Variants in FBXL17 observed in about 807,000 individuals in gnomAD.
FBXL17 encodes F-box/LRR-repeat protein 17.
In FBXL17, 22 loss-of-function variants were observed where a neutral mutation model predicts 66.2. The ratio of observed to expected loss-of-function variants is 0.33; its 90% CI spans 0.24 to 0.47. FBXL17 has a LOEUF of 0.47. Ranked by LOEUF, FBXL17 falls within the 20% of genes least tolerant of loss-of-function variation. FBXL17 has a pLI of 1.00. For missense variants in FBXL17, 878 were observed against 948.2 expected (o/e 0.93, Z 0.97); for synonymous variants, 474 against 400.5 (o/e 1.18, Z -2.19).
intron 7 of FBXL17, among the ~76,000 whole-genome samples, chr5:107,890,700 A>G (rs1749171778): frequency 1.3e-5 from 2 of 151,890 alleles, no homozygotes; most frequent in Non-Finnish European, 2.9e-5. Flanking sequence ...CCTACTATGT[A>G]TCAGAGTAGG....
chr5:108,346,325 T>C (rs1747277309), intron 4 of FBXL17, among the ~76,000 whole-genome samples: 1 of 151,818 alleles, frequency 6.6e-6, no homozygotes, highest in Non-Finnish European at 1.5e-5. Context: ...GAAATGAAAA[T>C]GTTAAATAAA....
At chr5:107,878,928 T>C (rs1482695379) in intron 8 of FBXL17, 8 of 985,330 alleles carry the variant, frequency 8.1e-6, no homozygotes, top group Non-Finnish European at 7.2e-6. Flanking sequence ...GTTCTCAGAG[T>C]GGCTCTCTGG....
chr5:108,247,186 T>A (rs1372976941), intron 4 of FBXL17, among the ~76,000 whole-genome samples: 2 of 152,196 alleles, frequency 1.3e-5, no homozygotes, highest in Admixed American at 1.3e-4. Context: ...AAAATTGCCC[T>A]GGCTTCGAAG....
chr5:108,363,650 T>A (rs1028539554), intron 3 of FBXL17, among the ~76,000 whole-genome samples: 1 of 151,984 alleles, frequency 6.6e-6, no homozygotes, highest in African/African-American at 2.4e-5. Context: ...TTGCTCCTTC[T>A]CTACTTCAAC....
Position 108,009,298 on chromosome 5 carries a change from T to TAGATAGATAGATAGATAGATAG in FBXL17, c.1822+11626_1822+11627insCTATCTATCTATCTATCTATCT, listed in dbSNP as rs1475870219. Among the ~76,000 whole-genome samples the TAGATAGATAGATAGATAGATAG allele has an allele frequency of 6.6e-4, 47 of 71,410 alleles. 6 individuals are homozygous for TAGATAGATAGATAGATAGATAG. Among genetic ancestry groups the TAGATAGATAGATAGATAGATAG allele is most frequent in the African/African-American group, 1.8e-3 (26 of 14,458 alleles). The allele number at this position is 71,410 out of a possible 152,430, so 46.8% of individuals were successfully genotyped here. On this transcript the variant is annotated intron_variant, in intron 7 of 8. Coordinates refer to ENST00000542267, the MANE Select transcript of FBXL17 (RefSeq NM_001163315.3). Reference sequence around the variant, plus strand: ...ATATATATATATATATATATATATATATACATATATACATACACATATAGT... The same window carrying TAGATAGATAGATAGATAGATAG: ...ATATATATATATATATATATATATATAGATAGATAGATAGATAGATAGATACATATATACATACACATATAGT...
intron 4 of FBXL17, among the ~76,000 whole-genome samples, chr5:108,238,092 G>A (rs907759814): frequency 1.3e-5 from 2 of 152,082 alleles, no homozygotes; most frequent in South Asian, 2.1e-4. Context: ...AATGCACCAG[G>A]AAGCCTTCTT....
chr5:107,946,259 A>T (rs909298273), intron 7 of FBXL17, among the ~76,000 whole-genome samples: 878 of 16,058 alleles, frequency 0.055, 20 homozygotes, highest in South Asian at 0.1. Flanking sequence ...CTCATTTTAT[A>T]TATATATATA....
intron 4 of FBXL17, among the ~76,000 whole-genome samples, chr5:108,339,579 T>TA (rs764302968): frequency 0.044 from 6,230 of 140,994 alleles, 384 homozygotes; most frequent in African/African-American, 0.15. Context: ...AGATTTTTAT[T>TA]AAAAAAAAAA....
At chr5:108,368,628 G>T (rs1226351425) in intron 1 of FBXL17, among the ~76,000 whole-genome samples, 1 of 152,086 alleles carries the variant, frequency 6.6e-6, no homozygotes, top group Non-Finnish European at 1.5e-5. Context: ...GACAACTAAT[G>T]TTATCCAGTT....
chr5:108,298,193 C>G, intron 4 of FBXL17: 1 of 979,894 alleles, frequency 1.0e-6, no homozygotes, highest in Non-Finnish European at 1.2e-6. Context: ...AAGTACAGCT[C>G]CATATGATAT....
intron 4 of FBXL17, among the ~76,000 whole-genome samples, chr5:108,226,935 G>A (rs1755126007): frequency 6.6e-6 from 1 of 152,114 alleles, no homozygotes; most frequent in Non-Finnish European, 1.5e-5. Context: ...CAAGCCTTCA[G>A]ACTTGGACTG....
intron 4 of FBXL17, among the ~76,000 whole-genome samples, chr5:108,271,648 T>A (rs1244064581): frequency 6.6e-6 from 1 of 152,204 alleles, no homozygotes; most frequent in African/African-American, 2.4e-5. Context: ...TAATAAACTA[T>A]AAAACAACAC....
At chr5:108,240,897 T>C (rs548162620) in intron 4 of FBXL17, among the ~76,000 whole-genome samples, 25 of 152,242 alleles carry the variant, frequency 1.6e-4, no homozygotes, top group Non-Finnish European at 3.1e-4. Flanking sequence ...ATTGATTCCA[T>C]TTGTTTGGGA....
Position 107,933,848 on chromosome 5 carries a change from T to TA in FBXL17, c.1823-52670dup, listed in dbSNP as rs540747817. Among the ~76,000 whole-genome samples the TA allele has an allele frequency of 3.9e-5, 6 of 152,204 alleles. No homozygotes were observed. The East Asian group carries it at 1.2e-3, about 29-fold the overall frequency. On this transcript the variant is annotated intron_variant, in intron 7 of 8. Coordinates refer to ENST00000542267, the MANE Select transcript of FBXL17 (RefSeq NM_001163315.3). ...ATTTGACAATTTTGAAACAAAAACA[T>TA]AGATAGGGATTGGGGAAGGGAAGGA... is the stretch of plus-strand genomic sequence containing the variant.
chr5:108,173,128 A>G (rs922850275), intron 6 of FBXL17, among the ~76,000 whole-genome samples: 4 of 152,130 alleles, frequency 2.6e-5, no homozygotes, highest in African/African-American at 7.2e-5. Context: ...TGAACATTCC[A>G]CAACAAATAG....
In FBXL17 at chr5:108,381,131, G is replaced by A; in HGVS notation, c.561C>T (p.Ala187=). The change falls in exon 1 of 9, where the codon GCC becomes GCT. Residue 187 remains alanine (A), a synonymous_variant. Transcript: ENST00000542267. ...CCATTTCGGGGGGCGTAGGGAGCTC[G>A]GCCGGTGACGGTGTCGGCCCCCGGA... ...QLFRGPTPSP[A]ELPTPPEMVC... 1 of 1,371,926 alleles carries A rather than the reference G, an allele frequency of 7.3e-7. No homozygotes were observed. The highest frequency in any genetic ancestry group is 1.7e-5 in the South Asian group (1 of 60,006). The allele number at this position is 1,371,926 out of a possible 1,614,324, so 85.0% of individuals were successfully genotyped here.
intron 6 of FBXL17, among the ~76,000 whole-genome samples, chr5:108,087,311 T>C (rs900988912): frequency 6.6e-6 from 1 of 152,160 alleles, no homozygotes; most frequent in Non-Finnish European, 1.5e-5. Flanking sequence ...GATGCACTGC[T>C]CAGATCCCTC....
intron 7 of FBXL17, among the ~76,000 whole-genome samples, chr5:107,969,226 G>A (rs1441208696): frequency 6.6e-6 from 1 of 152,150 alleles, no homozygotes; most frequent in African/African-American, 2.4e-5. Context: ...GTCATTGAAA[G>A]CATGGATAAA....
In FBXL17 at chr5:108,148,016, T is replaced by G. The variant is rs1326163000; in HGVS notation, c.1745+38101A>C. On this transcript the variant is annotated intron_variant, in intron 6 of 8. Coordinates refer to ENST00000542267, the MANE Select transcript of FBXL17 (RefSeq NM_001163315.3). Reference sequence around the variant, plus strand: ...GAAAAAAACTGAAAAAAGCCTCTCATTAAAGAAAATTCTAAAGAACACAAT... The same window carrying G: ...GAAAAAAACTGAAAAAAGCCTCTCAGTAAAGAAAATTCTAAAGAACACAAT... Among the ~76,000 whole-genome samples, 7 of 151,804 alleles carry G rather than the reference T, an allele frequency of 4.6e-5. No individual in the cohort carries two copies. In the East Asian group the frequency reaches 9.7e-4, roughly 21 times the overall value.
Sources: gnomAD v4.1 joint callset for allele counts (sites outside exome capture counted in the v4.1 genomes callset) on GRCh38, gnomAD v4.1.1 for gene constraint, MANE v1.5 for transcripts, NCBI Gene and HGNC (gene_info 2026-07-23, HGNC 2026-07-21) for gene names.